FHOD3: variants seen among roughly 807,000 people sequenced by gnomAD.
The protein encoded by FHOD3 is FH1/FH2 domain-containing protein 3.
FHOD3 carries 90 observed loss-of-function variants against 173.0 expected under a neutral mutation model. That is an observed-to-expected ratio of 0.52 (90% CI 0.44 to 0.62). The LOEUF is 0.62. Among genes scored for constraint, FHOD3 ranks in the 20% least tolerant of loss-of-function variants. FHOD3 has a pLI of 0.00. For missense variants in FHOD3, 1,945 were observed against 2,034.7 expected (o/e 0.96, Z 0.85); for synonymous variants, 828 against 823.0 (o/e 1.01, Z -0.10).
chr18:36,456,100 G>C (rs2052193667), intron 3 of FHOD3, among the ~76,000 whole-genome samples: 2 of 152,100 alleles, frequency 1.3e-5, no homozygotes, highest in Admixed American at 6.5e-5. Context: ...TGAAGTTAAT[G>C]GGGCTTCTGT....
intron 9 of FHOD3, among the ~76,000 whole-genome samples, chr18:36,620,302 T>C (rs1479683518): frequency 1.3e-5 from 2 of 152,202 alleles, no homozygotes; most frequent in South Asian, 2.1e-4. Context: ...ATCCATTCTA[T>C]TTTCTTTGCC....
rs553660175 is a variant in FHOD3 at position 36,550,214 on chromosome 18, A to G, written c.512-26237A>G. Among the ~76,000 whole-genome samples, 39 of 145,424 alleles carry G rather than the reference A, an allele frequency of 2.7e-4. 3 individuals are homozygous for G. In the South Asian group the frequency reaches 6.7e-3, roughly 25 times the overall value. On this transcript the variant is annotated intron_variant, in intron 5 of 28. Transcript: ENST00000590592. ...ATATATATGTATATATCACTTGTGT[A>G]TATATATATATATAGGCCAGTGGTA...
chr18:36,406,202 T>C (rs1198506662), intron 3 of FHOD3, among the ~76,000 whole-genome samples: 1 of 152,154 alleles, frequency 6.6e-6, no homozygotes, highest in Non-Finnish European at 1.5e-5. Flanking sequence ...ATCATGCTGG[T>C]GCTGGGTCAC....
At chr18:36,385,219 ATCCT>A (rs1174537771) in intron 3 of FHOD3, among the ~76,000 whole-genome samples, 1 of 152,208 alleles carries the variant, frequency 6.6e-6, no homozygotes, top group East Asian at 1.9e-4. Context: ...TTTAGCTACT[ATCCT>A]TTTTTAAGCA....
intron 5 of FHOD3, among the ~76,000 whole-genome samples, chr18:36,537,312 A>G (rs1427222839): frequency 6.6e-6 from 1 of 152,180 alleles, no homozygotes; most frequent in African/African-American, 2.4e-5. Context: ...TGTCACCATC[A>G]TGTCAGACTG....
At chr18:36,425,781 A>G (rs565287395) in intron 3 of FHOD3, among the ~76,000 whole-genome samples, 3 of 152,260 alleles carry the variant, frequency 2.0e-5, no homozygotes, top group African/African-American at 7.2e-5. Context: ...GCATGTGTTG[A>G]GTGTGTACCT....
rs1256684042 is a variant in FHOD3, at chr18:36,746,995, C to T, written c.4092C>T (p.Cys1364=). Residue 1364 remains cysteine (C), a synonymous_variant, in exon 24 of 29, where the codon TGC becomes TGT. Transcript: ENST00000590592. ...ATTTATGTCAGATGGAGAGAAGATG[C>T]AAAGCTTCATGGGATCACCTCAAGG... ...QDNLCQMERR[C]KASWDHLKAI... 7.4e-6 allele frequency: 12 copies of T among 1,612,438 alleles called. No individual in the cohort carries two copies. The highest frequency in any genetic ancestry group is 1.6e-4 in the Middle Eastern group (1 of 6,082).
chr18:36,325,653 G>A (rs2044632954), intron 1 of FHOD3, among the ~76,000 whole-genome samples: 1 of 152,074 alleles, frequency 6.6e-6, no homozygotes. Flanking sequence ...GCTGTGGGCT[G>A]GAGGAAGGAA....
chr18:36,514,834 G>A (rs8096229), intron 5 of FHOD3, among the ~76,000 whole-genome samples: 3,685 of 152,250 alleles, frequency 0.024, 154 homozygotes, highest in African/African-American at 0.084. Context: ...TAGACCTCAC[G>A]TGGATTAGAA....
intron 5 of FHOD3, among the ~76,000 whole-genome samples, chr18:36,568,826 G>A (rs552060501): frequency 2.8e-4 from 42 of 152,220 alleles, no homozygotes; most frequent in Admixed American, 4.6e-4. Flanking sequence ...TACTTGGCGC[G>A]CAATGAACTA....
intron 14 of FHOD3, among the ~76,000 whole-genome samples, chr18:36,670,574 T>C (rs1366125878): frequency 1.3e-5 from 2 of 152,246 alleles, no homozygotes; most frequent in Non-Finnish European, 2.9e-5. Context: ...AAATATTTTC[T>C]CTAGCTTCTT....
intron 8 of FHOD3, among the ~76,000 whole-genome samples, chr18:36,604,197 G>C (rs958158878): frequency 6.6e-6 from 1 of 151,968 alleles, no homozygotes; most frequent in Non-Finnish European, 1.5e-5. Context: ...CACCCCATGG[G>C]CCTTCCTTGT....
At chr18:36,759,036 G>A (rs1249404135) in intron 25 of FHOD3, 82 bp from the exon 26 acceptor site, 12 of 1,425,680 alleles carry the variant, frequency 8.4e-6, no homozygotes, top group Middle Eastern at 1.7e-4. Context: ...GTGACATTGC[G>A]ATGATCTTTT....
At chr18:36,660,383 A>G (rs1205289769) in intron 14 of FHOD3, among the ~76,000 whole-genome samples, 3 of 152,226 alleles carry the variant, frequency 2.0e-5, no homozygotes, top group Non-Finnish European at 4.4e-5. Context: ...AACAGGAGAC[A>G]GGAGGCAGGA....
At chr18:36,692,170 A>T (rs2039003836) in intron 16 of FHOD3, among the ~76,000 whole-genome samples, 2 of 152,238 alleles carry the variant, frequency 1.3e-5, no homozygotes, top group South Asian at 4.1e-4. Context: ...GATGGGATGC[A>T]AAAAATGCAT....
At chr18:36,610,716 G>A (rs1196171304) in intron 8 of FHOD3, among the ~76,000 whole-genome samples, 3 of 152,248 alleles carry the variant, frequency 2.0e-5, no homozygotes, top group African/African-American at 7.2e-5. Context: ...TGTTAGAGAA[G>A]CTGGTGCTAT....
chr18:36,499,205 G>A (rs868687158), intron 3 of FHOD3, among the ~76,000 whole-genome samples: 4 of 152,182 alleles, frequency 2.6e-5, no homozygotes, highest in Admixed American at 6.5e-5. Flanking sequence ...CCAGGTTCAC[G>A]AGATTCTTCT....
intron 3 of FHOD3, among the ~76,000 whole-genome samples, chr18:36,448,652 G>A (rs937314841): frequency 6.6e-6 from 1 of 152,116 alleles, no homozygotes; most frequent in Non-Finnish European, 1.5e-5. Context: ...CCCAGAATGG[G>A]GGACAGGACC....
intron 5 of FHOD3, among the ~76,000 whole-genome samples, chr18:36,549,019 G>A (rs1219797883): frequency 6.6e-6 from 1 of 152,194 alleles, no homozygotes; most frequent in East Asian, 1.9e-4. Context: ...CAAAGGAGTT[G>A]TACTATTTCA....
Sources: allele counts gnomAD v4.1 joint callset (sites outside exome capture counted in the v4.1 genomes callset), GRCh38; gene constraint gnomAD v4.1.1; transcripts MANE v1.5; gene names NCBI Gene and HGNC (gene_info 2026-07-23, HGNC 2026-07-21).